The following CATSPERD variants were observed in gnomAD, a reference collection of about 807,000 sequenced individuals.
CATSPERD encodes catsper channel auxiliary subunit delta, also known as cation channel sperm-associated auxiliary subunit delta.
CATSPERD carries 86 observed loss-of-function variants against 98.1 expected under a neutral mutation model. The ratio of observed to expected loss-of-function variants is 0.88; its 90% confidence interval spans 0.74 to 1.05. CATSPERD has a LOEUF of 1.05. Among genes scored for constraint, CATSPERD ranks in the 50% least tolerant of loss-of-function variants. The pLI is 0.00. For synonymous variants in CATSPERD, 394 were observed against 390.2 expected, an observed-to-expected ratio of 1.01 and a Z score of -0.12; for missense variants, 995 against 1,005.7, an observed-to-expected ratio of 0.99 and a Z score of 0.14.
intron 5 of CATSPERD, among the ~76,000 whole-genome samples, chr19:5,736,137 C>A (rs1176681215): frequency 6.6e-6 from 1 of 151,650 alleles, no homozygotes; most frequent in African/African-American, 2.4e-5. Context: ...GTCTTGAACT[C>A]CCGACCTCAG....
intron 18 of CATSPERD, among the ~76,000 whole-genome samples, chr19:5,769,314 A>AAAAAT (rs35594514): frequency 1.5e-5 from 2 of 132,940 alleles, no homozygotes; most frequent in Non-Finnish European, 3.2e-5. Flanking sequence ...AAAAAAAAAA[A>AAAAAT]GAGGGTGGTG....
At chr19:5,750,882 T>C (rs73544789) in intron 11 of CATSPERD, among the ~76,000 whole-genome samples, 7,391 of 151,860 alleles carry the variant, frequency 0.049, 597 homozygotes, top group African/African-American at 0.17. Flanking sequence ...TCTCTCTTCC[T>C]TTCTCTTTTC....
At chr19:5,750,006 A>G (rs954238003) in intron 11 of CATSPERD, among the ~76,000 whole-genome samples, 3 of 150,564 alleles carry the variant, frequency 2.0e-5, no homozygotes, top group Non-Finnish European at 4.4e-5. Flanking sequence ...GTTTCACCAT[A>G]TTGTCCAGGC....
chr19:5,729,781 TTGAA>T (rs2055678548), intron 3 of CATSPERD, 87 bp from the exon 4 acceptor site: 1 of 728,656 alleles, frequency 1.4e-6, no homozygotes, highest in African/African-American at 1.8e-5. Flanking sequence ...CAAATTTTGT[TTGAA>T]TGGAGACATT....
chr19:5,774,083 T>A (rs934126822), intron 20 of CATSPERD, among the ~76,000 whole-genome samples: 1 of 146,728 alleles, frequency 6.8e-6, no homozygotes, highest in Non-Finnish European at 1.5e-5. Context: ...TTCTCCCGCC[T>A]CAGCCTCCTG....
chr19:5,759,790 C>G (rs941386930), intron 15 of CATSPERD, among the ~76,000 whole-genome samples: 1 of 151,620 alleles, frequency 6.6e-6, no homozygotes, highest in Non-Finnish European at 1.5e-5. Context: ...GGAAGGGAGT[C>G]CCGGGCCGGG....
intron 13 of CATSPERD, among the ~76,000 whole-genome samples, chr19:5,757,103 A>G (rs12976955): frequency 6.6e-6 from 1 of 151,092 alleles, no homozygotes; most frequent in Non-Finnish European, 1.5e-5. Context: ...TACAAAAATT[A>G]GCTGGGTGTG....
chr19:5,765,932 C>A (rs866316434), intron 16 of CATSPERD, among the ~76,000 whole-genome samples, 171 bp from the exon 17 acceptor site: 35 of 152,216 alleles, frequency 2.3e-4, no homozygotes, highest in African/African-American at 7.9e-4. Context: ...TTAAGCTCCG[C>A]GGGGCCAGCT....
At chr19:5,754,844 CTTCT>C (rs747140788) in intron 13 of CATSPERD, among the ~76,000 whole-genome samples, 3 of 135,692 alleles carry the variant, frequency 2.2e-5, no homozygotes, top group African/African-American at 5.0e-5. Flanking sequence ...TTTTCTTCTT[CTTCT>C]TTTTTTTTTT....
intron 5 of CATSPERD, among the ~76,000 whole-genome samples, chr19:5,736,345 T>G (rs1042549087): frequency 1.3e-5 from 2 of 152,138 alleles, no homozygotes; most frequent in African/African-American, 4.8e-5. Flanking sequence ...CATCCTACAA[T>G]GCATAGGAAA....
At chr19:5,750,274 C>A (rs562301270) in intron 11 of CATSPERD, among the ~76,000 whole-genome samples, 1 of 148,740 alleles carries the variant, frequency 6.7e-6, no homozygotes, top group Non-Finnish European at 1.5e-5. Context: ...CGGTGAAACC[C>A]CGTCTCTACT....
chr19:5,746,155 C>A, intron 9 of CATSPERD, 92 bp downstream of exon 9: 2 of 1,347,230 alleles, frequency 1.5e-6, no homozygotes, highest in South Asian at 1.2e-5. Context: ...GAAGGAGCAA[C>A]CCCTCGACCA....
At chr19:5,754,979 G>A (rs2056298671) in intron 13 of CATSPERD, among the ~76,000 whole-genome samples, 2 of 151,814 alleles carry the variant, frequency 1.3e-5, no homozygotes, top group Admixed American at 1.3e-4. Context: ...CAAGTAGCTG[G>A]GATTACAGGT....
rs1004219961 is a variant in CATSPERD, at chr19:5,778,549, A to G, written c.2270A>G (p.Lys757Arg). Residue 757 changes from lysine (K) to arginine (R), a missense_variant, in exon 22 of 22, where the codon AAG (lysine) becomes AGG (arginine). Lys to Arg is a conservative substitution (Grantham distance 26). Around this residue, in one of 3 missense-constraint regions of CATSPERD, gnomAD observed 762 missense variants for 773.7 expected, o/e 0.98. Transcript: ENST00000381624. The part of the protein sequence containing the change: ...LRTARGRRIK[K>R]CATQLCRRCK... Reference sequence around the variant, plus strand: ...ACAGCACGCGGCCGCAGGATCAAGAAGTGTGCGACACAGCTGTGTAGGAGA... The same window carrying G: ...ACAGCACGCGGCCGCAGGATCAAGAGGTGTGCGACACAGCTGTGTAGGAGA... The G allele has an allele frequency of 8.7e-6, 14 of 1,613,844 alleles. No individual in the cohort carries two copies. Among genetic ancestry groups the G allele is most frequent in the Non-Finnish European group, 1.2e-5 (14 of 1,180,032 alleles).
intron 15 of CATSPERD, among the ~76,000 whole-genome samples, chr19:5,759,847 G>A (rs893076915): frequency 5.3e-5 from 8 of 151,764 alleles, no homozygotes; most frequent in Non-Finnish European, 8.8e-5. Flanking sequence ...AGGTCAAGGC[G>A]GGCAGATCAC....
At chr19:5,738,304 C>T (rs1239805172) in intron 6 of CATSPERD, among the ~76,000 whole-genome samples, 1 of 142,930 alleles carries the variant, frequency 7.0e-6, no homozygotes, top group Admixed American at 7.4e-5. Flanking sequence ...CTTACAAATT[C>T]GAGGCTAATA....
At chr19:5,763,847 C>CTGTTTTTTTTTTTTTTTTTT (rs2056488153) in intron 16 of CATSPERD, among the ~76,000 whole-genome samples, 1 of 62,120 alleles carries the variant, frequency 1.6e-5, no homozygotes, top group Non-Finnish European at 3.2e-5. Flanking sequence ...TCTTGAACTC[C>CTGTTTTTTTTTTTTTTTTTT]TTTTTTTTTT....
At chr19:5,744,019 A>G (rs182875123) in intron 7 of CATSPERD, among the ~76,000 whole-genome samples, 1 of 152,114 alleles carries the variant, frequency 6.6e-6, no homozygotes, top group African/African-American at 2.4e-5. Flanking sequence ...TCACTCTGTC[A>G]CCCATGCTGG....
chr19:5,754,742 C>T (rs924198965), intron 13 of CATSPERD, among the ~76,000 whole-genome samples: 8 of 151,986 alleles, frequency 5.3e-5, no homozygotes, highest in South Asian at 2.1e-4. Context: ...CATGTCTGGG[C>T]GTGATGAGGC....
Sources: allele counts gnomAD v4.1 joint callset (sites outside exome capture counted in the v4.1 genomes callset), GRCh38; gene constraint gnomAD v4.1.1; regional missense constraint gnomAD v4.1.1; transcripts MANE v1.5; gene names NCBI Gene and HGNC (gene_info 2026-07-23, HGNC 2026-07-21).